CRELD2: variants seen among roughly 807,000 people sequenced by gnomAD.
The protein encoded by CRELD2 is CRELD disulfide isomerase 2, also known as protein disulfide isomerase CRELD2.
Under a neutral mutation model 48.1 loss-of-function variants are expected in CRELD2, and 33 were observed. That is an observed-to-expected ratio of 0.69 (90% CI 0.52 to 0.92). The LOEUF is 0.92. Ranked by LOEUF, CRELD2 falls within the 40% of genes least tolerant of loss-of-function variation. CRELD2 has a pLI of 0.00. For synonymous variants in CRELD2, 220 were observed against 203.9 expected (o/e 1.08, Z -0.67); for missense variants, 477 against 482.4 (o/e 0.99, Z 0.10).
chr22:49,922,228 A>C, intron 5 of CRELD2: 1 of 1,515,984 alleles, frequency 6.6e-7, no homozygotes, highest in Non-Finnish European at 8.9e-7. Flanking sequence ...CCCCTAGGCT[A>C]TTCTGGGCAG....
chr22:49,920,400 A>G (rs1174947773), intron 4 of CRELD2, among the ~76,000 whole-genome samples, 153 bp downstream of exon 4: 2 of 152,158 alleles, frequency 1.3e-5, no homozygotes, highest in African/African-American at 2.4e-5. Flanking sequence ...CCCATCCCCA[A>G]CACAGCTTGG....
chr22:49,919,844 A>G lies in CRELD2; in HGVS notation c.323+4A>G. ...TGGAGGCCTGGTGGCTGCAGCTGTGAGTGCCTTAAAACCTCTTAGAAGATA... is the reference window on the plus strand; with the variant it reads ...TGGAGGCCTGGTGGCTGCAGCTGTGGGTGCCTTAAAACCTCTTAGAAGATA... On this transcript the variant is annotated splice_donor_region_variant and intron_variant, in intron 3 of 9. Coordinates refer to ENST00000328268, the MANE Select transcript of CRELD2 (RefSeq NM_024324.5). 6.3e-7 allele frequency: 1 copy of G among 1,581,492 alleles called. No individual in the cohort carries two copies. Among genetic ancestry groups the G allele is most frequent in the Non-Finnish European group, 8.7e-7 (1 of 1,154,374 alleles).
chr22:49,925,735 T>G (rs2060756035), intron 9 of CRELD2, 178 bp downstream of exon 9: 2 of 1,419,692 alleles, frequency 1.4e-6, no homozygotes, highest in Admixed American at 3.0e-5. Context: ...CGAGAGGTAC[T>G]GGCTTCCTGA....
intron 6 of CRELD2, 100 bp downstream of exon 6, chr22:49,922,807 AGGCAGGGG>A (rs2060708221): frequency 2.5e-5 from 1 of 40,418 alleles, no homozygotes; most frequent in African/African-American, 2.1e-4. Context: ...TGGGGGCGGG[AGGCAGGGG>A]GGCGTGAAGT....
At position 49,927,418 on chromosome 22, in the gene CRELD2, T is replaced by G. The variant is rs1209663654; in HGVS notation, c.*111T>G. On this transcript the variant is annotated 3_prime_UTR_variant, in exon 10 of 10. Transcript: ENST00000328268. ...CGGCGGGGAGAGGCTGCCTGCTCTC[T>G]AACGGTTGATTCTCATTTGTCCCTT... 1 of 817,262 alleles carries G rather than the reference T, an allele frequency of 1.2e-6. No individual in the cohort carries two copies. The allele number at this position is 817,262 out of a possible 1,614,324, so 50.6% of individuals were successfully genotyped here.
intron 6 of CRELD2, 75 bp downstream of exon 6, chr22:49,922,782 G>C (rs1380484089): frequency 5.7e-4 from 97 of 171,036 alleles, no homozygotes; most frequent in Non-Finnish European, 9.1e-4. Flanking sequence ...CGTAAGGCGT[G>C]GGGGGTGTGA....
intron 4 of CRELD2, 77 bp from the exon 5 acceptor site, chr22:49,921,508 A>G (rs1178477209): frequency 7.6e-6 from 11 of 1,452,034 alleles, no homozygotes; most frequent in South Asian, 1.3e-5. Context: ...TTTGGGTGCC[A>G]TGCGTTCTCT....
At position 49,921,652 on chromosome 22, in the gene CRELD2, G is replaced by T. The variant is rs748756779; in HGVS notation, c.483G>T (p.Gln161His). The change falls in exon 5 of 10, where the codon CAG (glutamine) becomes CAT (histidine). Residue 161 changes from glutamine to histidine, a missense_variant. Coordinates refer to ENST00000328268, the MANE Select transcript of CRELD2 (RefSeq NM_024324.5). ...ACTGCAGCGGAGATGGGAGCAGACA[G>T]GGCGACGGGTCCTGCCGGTGCCACA... ...NGHCSGDGSR[Q>H]GDGSCRCHMG... The T allele has an allele frequency of 1.2e-6, 2 of 1,612,762 alleles. No individual in the cohort carries two copies. Among genetic ancestry groups the T allele is most frequent in the African/African-American group, 2.7e-5 (2 of 74,934 alleles).
rs1371624162 is a variant in CRELD2, at chr22:49,923,324, C to T, written c.772+7C>T. On this transcript the variant is annotated splice_region_variant and intron_variant, in intron 7 of 9. Coordinates refer to ENST00000328268, the MANE Select transcript of CRELD2 (RefSeq NM_024324.5). ...GGCTCCTACACGTGCGAAGGTGGGCCAGGCGGGCGGGTCTGCACTCCGGGG... is the reference window on the plus strand; with the variant it reads ...GGCTCCTACACGTGCGAAGGTGGGCTAGGCGGGCGGGTCTGCACTCCGGGG... The T allele has an allele frequency of 6.7e-7, 1 of 1,502,798 alleles. No homozygotes were observed. The highest frequency in any genetic ancestry group is 8.9e-7 in the Non-Finnish European group (1 of 1,120,634). 93.1% of individuals were successfully genotyped at this position (1,502,798 alleles called of 1,614,324 possible).
At position 49,921,640 on chromosome 22, in the gene CRELD2, T is replaced by C. The variant is rs1357525456; in HGVS notation, c.471T>C (p.Asp157=). Reference sequence around the variant, plus strand: ...GCGGGAATGGCCACTGCAGCGGAGATGGGAGCAGACAGGGCGACGGGTCCT... The same window carrying C: ...GCGGGAATGGCCACTGCAGCGGAGACGGGAGCAGACAGGGCGACGGGTCCT... The part of the protein sequence containing the change: ...PCSGNGHCSG[D]GSRQGDGSCR... Residue 157 remains aspartate, a synonymous_variant, in exon 5 of 10, where the codon GAT becomes GAC. Transcript: ENST00000328268. 9.3e-6 allele frequency: 15 copies of C among 1,612,544 alleles called. No homozygotes were observed. Among genetic ancestry groups the C allele is most frequent in the Non-Finnish European group, 1.1e-5 (13 of 1,179,946 alleles).
rs753940500 is a variant in CRELD2 at position 49,922,597 on chromosome 22, G to A, written c.593-15G>A. ...GAGAGTGGGGTTTGTACCCAGGCCCGCCTTTGCCTTCCAGCCTGTGACGAG... is the reference window on the plus strand; with the variant it reads ...GAGAGTGGGGTTTGTACCCAGGCCCACCTTTGCCTTCCAGCCTGTGACGAG... On this transcript the variant is annotated splice_polypyrimidine_tract_variant and intron_variant, in intron 5 of 9. Transcript: ENST00000328268. The A allele has an allele frequency of 8.5e-6, 13 of 1,529,842 alleles. No individual in the cohort carries two copies. The highest frequency in any genetic ancestry group is 2.4e-5 in the East Asian group (1 of 41,206). 94.8% of individuals were successfully genotyped at this position (1,529,842 alleles called of 1,614,324 possible). A position where few individuals can be genotyped will look rare whatever the true frequency, so the allele number is the denominator to read the frequency against.
rs375498114 is a variant in CRELD2 at position 49,918,785 on chromosome 22, C to T, written c.16C>T (p.Arg6Trp). ...GCTACCCGCCATGCGCCTGCCGCGC[C>T]GGGCCGCGCTGGGGCTCCTGCCGCT... MRLPR[R>W]AALGLLPLLL... Residue 6 changes from arginine to tryptophan, a missense_variant, in exon 1 of 10, where the codon CGG becomes TGG. Coordinates refer to ENST00000328268, the MANE Select transcript of CRELD2 (RefSeq NM_024324.5). The T allele has an allele frequency of 1.6e-6, 2 of 1,282,340 alleles. No homozygotes were observed. Among genetic ancestry groups the T allele is most frequent in the Non-Finnish European group, 2.0e-6 (2 of 1,005,630 alleles). The allele number at this position is 1,282,340 out of a possible 1,614,324, so 79.4% of individuals were successfully genotyped here.
At chr22:49,924,486 T>G (rs1289785975) in intron 8 of CRELD2, 31 bp downstream of exon 8, 2 of 1,497,596 alleles carry the variant, frequency 1.3e-6, no homozygotes, top group Non-Finnish European at 1.8e-6. Context: ...TGGACGCTGG[T>G]GGACCCTTCC....
In CRELD2 at chr22:49,923,245, T is replaced by C; in HGVS notation, c.700T>C (p.Cys234Arg). 2 of 1,583,204 alleles carry C rather than the reference T, an allele frequency of 1.3e-6. No homozygotes were observed. The highest frequency in any genetic ancestry group is 1.2e-5 in the South Asian group (1 of 85,154). The part of the protein sequence containing the change: ...DEGACVDVDE[C>R]AAEPPPCSAA... ...CCGCTCTGTTCCAGATGTGGACGAG[T>C]GTGCGGCCGAGCCGCCTCCCTGCAG... Residue 234 changes from cysteine (C) to arginine (R), a missense_variant, in exon 7 of 10, where the codon TGT (cysteine) becomes CGT (arginine). Transcript: ENST00000328268.
chr22:49,921,222 A>T, intron 4 of CRELD2: 1 of 232,312 alleles, frequency 4.3e-6, no homozygotes, highest in East Asian at 1.0e-4. Context: ...ACCTGAACAC[A>T]TCTAAACATA....
chr22:49,921,741 A>C lies in CRELD2; in HGVS notation c.572A>C (p.Glu191Ala). The change falls in exon 5 of 10, where the codon GAG becomes GCG. Residue 191 changes from glutamate to alanine, a missense_variant. Transcript: ENST00000328268. ...MDGYFSSLRN[E>A]THSICTACDE... Reference sequence around the variant, plus strand: ...GGCTACTTCAGCTCGCTCCGGAACGAGACCCACAGCATCTGCACAGGTACG... The same window carrying C: ...GGCTACTTCAGCTCGCTCCGGAACGCGACCCACAGCATCTGCACAGGTACG... 6.2e-7 allele frequency: 1 copy of C among 1,612,200 alleles called. No individual in the cohort carries two copies. The highest frequency in any genetic ancestry group is 8.5e-7 in the Non-Finnish European group (1 of 1,179,582).
chr22:49,919,698 TGACG>T lies in CRELD2; in HGVS notation c.213-30_213-27del, dbSNP rs1277837400. On this transcript the variant is annotated intron_variant, in intron 2 of 9. Coordinates refer to ENST00000328268, the MANE Select transcript of CRELD2 (RefSeq NM_024324.5). The stretch of plus-strand genomic sequence containing the variant: ...TTTTTCTTCACTGCCTTGGAGGCGC[TGACG>T]GTGGGCCGGTGTGGGCCTGTGTTTC... 2.0e-6 allele frequency: 3 copies of T among 1,536,112 alleles called. No homozygotes were observed. The East Asian group carries it at 6.9e-5, about 35-fold the overall frequency.
rs547369309 is a variant in CRELD2, at chr22:49,921,735, G to A, written c.566G>A (p.Arg189Gln). The A allele has an allele frequency of 2.4e-5, 39 of 1,612,288 alleles. No individual in the cohort carries two copies. In the East Asian group the frequency reaches 6.2e-4, roughly 26 times the overall value. Residue 189 changes from arginine to glutamine, a missense_variant, in exon 5 of 10, where the codon CGG becomes CAG. By Grantham distance (43) the Arg-to-Gln change is conservative. Coordinates refer to ENST00000328268, the MANE Select transcript of CRELD2 (RefSeq NM_024324.5). ...DCMDGYFSSL[R>Q]NETHSICTAC... is the part of the protein sequence containing the mutation. ...ATGGACGGCTACTTCAGCTCGCTCCGGAACGAGACCCACAGCATCTGCACA... is the reference window on the plus strand; with the variant it reads ...ATGGACGGCTACTTCAGCTCGCTCCAGAACGAGACCCACAGCATCTGCACA...
chr22:49,921,793 T>G (rs2060690864), intron 5 of CRELD2, 32 bp downstream of exon 5: 1 of 1,581,302 alleles, frequency 6.3e-7, no homozygotes, highest in East Asian at 2.3e-5. Flanking sequence ...GCCCCGGGGT[T>G]GAGGCGGGAT....
Sources: gnomAD v4.1 joint callset for allele counts (sites outside exome capture counted in the v4.1 genomes callset) on GRCh38, gnomAD v4.1.1 for gene constraint, MANE v1.5 for transcripts, NCBI Gene and HGNC (gene_info 2026-07-23, HGNC 2026-07-21) for gene names.